NR3C2: variants seen among roughly 807,000 people sequenced by gnomAD.
The protein encoded by NR3C2 is nuclear receptor subfamily 3 group C member 2.
In NR3C2, 15 loss-of-function variants were observed where a neutral mutation model predicts 86.4. That is an observed-to-expected ratio of 0.17 (90% CI 0.12 to 0.27). The LOEUF (loss-of-function observed/expected upper bound fraction) is 0.27, where lower values mean the gene tolerates loss of function less well. Ranked by LOEUF, NR3C2 falls within the 10% of genes least tolerant of loss-of-function variation. The pLI is 1.00. For synonymous variants in NR3C2, 458 were observed against 450.5 expected (o/e 1.02, Z -0.21); for missense variants, 960 against 1,195.6 (o/e 0.80, Z 2.91).
At chr4:148,115,836 A>G (rs530081663) in intron 7 of NR3C2, among the ~76,000 whole-genome samples, 3 of 152,356 alleles carry the variant, frequency 2.0e-5, no homozygotes, top group Non-Finnish European at 4.4e-5. Context: ...GTGGTTTAAA[A>G]TATTTGACAT....
intron 7 of NR3C2, 121 bp from the exon 8 acceptor site, chr4:148,114,382 G>A (rs1560928727): frequency 9.5e-6 from 10 of 1,050,472 alleles, no homozygotes; most frequent in Non-Finnish European, 1.4e-5. Context: ...TTGCATTTAT[G>A]AATAAATATG....
intron 3 of NR3C2, 43 bp downstream of exon 3, chr4:148,259,935 C>G: frequency 1.2e-6 from 2 of 1,613,156 alleles, no homozygotes; most frequent in East Asian, 2.2e-5. Flanking sequence ...AAACTACACA[C>G]TAGGAAAAAA....
rs149468772 is a variant in NR3C2 at position 148,415,996 on chromosome 4, C to T, written c.1757+19108G>A. ...CCACTGAGAATAAAATATACACATA[C>T]GTAACTGAGCAGACACAAATTCTGT... On this transcript the variant is annotated intron_variant, in intron 2 of 8. Coordinates refer to ENST00000358102, the MANE Select transcript of NR3C2 (RefSeq NM_000901.5). Among the ~76,000 whole-genome samples the T allele has an allele frequency of 2.6e-3, 394 of 152,076 alleles. 3 individuals carry two copies. Among genetic ancestry groups the T allele is most frequent in the African/African-American group, 9.0e-3 (375 of 41,476 alleles).
chr4:148,351,661 T>G (rs1034386288), intron 2 of NR3C2, among the ~76,000 whole-genome samples: 1 of 152,148 alleles, frequency 6.6e-6, no homozygotes, highest in African/African-American at 2.4e-5. Flanking sequence ...CTTGTTCAAT[T>G]TGCATCTCCA....
chr4:148,442,700 C>A, upstream of NR3C2: 1 of 985,432 alleles, frequency 1.0e-6, no homozygotes, highest in Non-Finnish European at 1.2e-6. Context: ...TGCTGCGACA[C>A]AGCCTGGACT....
In NR3C2 at chr4:148,097,824, C is replaced by A. The variant is rs1261374235; in HGVS notation, c.2799+16280G>T. On this transcript the variant is annotated intron_variant, in intron 8 of 8. Transcript: ENST00000358102. ...ATTTTATGTGCAGCCCAAGACAATT[C>A]TTCTTCCAATGTGGCCCAGGGAAGC... 2.2e-5 allele frequency among the ~76,000 whole-genome samples: 3 copies of A among 138,828 alleles called. No individual in the cohort carries two copies. The East Asian group carries it at 6.5e-4, about 30-fold the overall frequency. 91.1% of individuals were successfully genotyped at this position (138,828 alleles called of 152,430 possible).
intron 3 of NR3C2, among the ~76,000 whole-genome samples, chr4:148,235,853 A>G (rs1738725461): frequency 6.6e-6 from 1 of 152,236 alleles, no homozygotes; most frequent in Non-Finnish European, 1.5e-5. Context: ...AAATAATTCT[A>G]AAACAAAAAA....
intron 2 of NR3C2, among the ~76,000 whole-genome samples, chr4:148,428,861 T>C (rs1749672147): frequency 6.6e-6 from 1 of 152,014 alleles, no homozygotes; most frequent in Non-Finnish European, 1.5e-5. Flanking sequence ...CAAGTGCACT[T>C]CCTCTCCTGC....
chr4:148,300,803 C>A (rs1191835169), intron 2 of NR3C2, among the ~76,000 whole-genome samples: 1 of 152,084 alleles, frequency 6.6e-6, no homozygotes, highest in East Asian at 1.9e-4. Context: ...AACTCCTGAC[C>A]TCAGGTAATC....
chr4:148,102,616 C>T (rs572894351), intron 8 of NR3C2, among the ~76,000 whole-genome samples: 1 of 152,266 alleles, frequency 6.6e-6, no homozygotes, highest in South Asian at 2.1e-4. Context: ...TCTTGGTGCT[C>T]CTGCCCCAGC....
intron 2 of NR3C2, among the ~76,000 whole-genome samples, chr4:148,350,108 C>T (rs542081767): frequency 2.6e-5 from 4 of 152,206 alleles, no homozygotes; most frequent in Non-Finnish European, 5.9e-5. Flanking sequence ...CTCATTTATC[C>T]TCACTAATTC....
chr4:148,370,801 T>G (rs540067476), intron 2 of NR3C2, among the ~76,000 whole-genome samples: 23 of 152,310 alleles, frequency 1.5e-4, no homozygotes, highest in South Asian at 1.0e-3. Flanking sequence ...TCTCATTACT[T>G]TTAGAAAAGT....
intron 2 of NR3C2, among the ~76,000 whole-genome samples, chr4:148,394,711 T>C (rs1747770848): frequency 6.6e-6 from 1 of 152,062 alleles, no homozygotes; most frequent in African/African-American, 2.4e-5. Flanking sequence ...TAAAAACATG[T>C]AGCATCAGTT....
At chr4:148,393,957 G>A (rs953961406) in intron 2 of NR3C2, among the ~76,000 whole-genome samples, 2 of 152,148 alleles carry the variant, frequency 1.3e-5, no homozygotes, top group Non-Finnish European at 2.9e-5. Context: ...TGGCCAGCAG[G>A]GCTAGGCAGA....
chr4:148,427,437 T>A (rs937083595), intron 2 of NR3C2, among the ~76,000 whole-genome samples: 10 of 151,512 alleles, frequency 6.6e-5, no homozygotes, highest in African/African-American at 2.4e-4. Context: ...AGAAAGGGGG[T>A]GGCCAACTGT....
intron 2 of NR3C2, among the ~76,000 whole-genome samples, chr4:148,334,245 A>G (rs926388442): frequency 1.3e-5 from 2 of 152,256 alleles, no homozygotes; most frequent in Non-Finnish European, 2.9e-5. Context: ...TCAAGGCTAT[A>G]GAACTTACAC....
chr4:148,186,773 T>TA (rs1410886577), intron 4 of NR3C2, among the ~76,000 whole-genome samples: 11 of 147,276 alleles, frequency 7.5e-5, no homozygotes, highest in African/African-American at 2.5e-4. Context: ...CCTCCCACTC[T>TA]TCCCCCCAAG....
At chr4:148,376,368 C>T (rs958103545) in intron 2 of NR3C2, among the ~76,000 whole-genome samples, 7 of 152,068 alleles carry the variant, frequency 4.6e-5, no homozygotes, top group African/African-American at 1.7e-4. Flanking sequence ...TAGTGTTTTG[C>T]CCAACAGGAA....
chr4:148,119,901 A>G (rs1180556865), intron 7 of NR3C2, among the ~76,000 whole-genome samples: 1 of 152,190 alleles, frequency 6.6e-6, no homozygotes, highest in African/African-American at 2.4e-5. Flanking sequence ...CATACACATA[A>G]CAGATACTTT....
Sources: allele counts gnomAD v4.1 joint callset (sites outside exome capture counted in the v4.1 genomes callset), GRCh38; gene constraint gnomAD v4.1.1; transcripts MANE v1.5; gene names NCBI Gene and HGNC (gene_info 2026-07-23, HGNC 2026-07-21).